TMTC2: variants seen among roughly 807,000 people sequenced by gnomAD.
TMTC2 encodes protein O-mannosyl-transferase TMTC2.
In TMTC2, 43 loss-of-function variants were observed where a neutral mutation model predicts 82.4. The observed-to-expected ratio is 0.52, with a 90% CI of 0.41 to 0.67. The LOEUF (loss-of-function observed/expected upper bound fraction) is 0.67. TMTC2 is among the 30% of genes least tolerant of loss of function. The pLI, the probability that TMTC2 is intolerant of heterozygous loss-of-function variation, is 0.00. For missense variants in TMTC2, 919 were observed against 1,012.4 expected (o/e 0.91, Z 1.25); for synonymous variants, 408 against 381.9 (o/e 1.07, Z -0.80).
intron 3 of TMTC2, among the ~76,000 whole-genome samples, chr12:82,898,165 T>TA (rs1331796437): frequency 6.6e-6 from 1 of 152,222 alleles, no homozygotes; most frequent in Non-Finnish European, 1.5e-5. Context: ...GCATAGCATG[T>TA]AATTTCTCAA....
intron 3 of TMTC2, among the ~76,000 whole-genome samples, chr12:82,921,899 A>G (rs531538731): frequency 2.6e-5 from 4 of 151,318 alleles, no homozygotes; most frequent in African/African-American, 7.3e-5. Context: ...GGAGTTTTTG[A>G]CCAGCCTGGG....
intron 2 of TMTC2, among the ~76,000 whole-genome samples, chr12:82,883,057 A>AT (rs1370658869): frequency 1.5e-5 from 1 of 66,110 alleles, no homozygotes; most frequent in Non-Finnish European, 3.0e-5. Context: ...CTTGGTCTCA[A>AT]AAAAAAAAAA....
intron 1 of TMTC2, among the ~76,000 whole-genome samples, chr12:82,785,113 C>A (rs1429606160): frequency 1.3e-5 from 2 of 151,982 alleles, no homozygotes; most frequent in Admixed American, 6.6e-5. Context: ...GAGATCCATG[C>A]CAATGGGAAA....
intron 1 of TMTC2, among the ~76,000 whole-genome samples, chr12:82,701,971 A>G (rs1293914944): frequency 1.3e-5 from 2 of 152,142 alleles, no homozygotes; most frequent in African/African-American, 4.8e-5. Context: ...AAGGTGATCT[A>G]CTACCGGAGG....
At chr12:82,768,421 G>A (rs966270766) in intron 1 of TMTC2, among the ~76,000 whole-genome samples, 1 of 152,218 alleles carries the variant, frequency 6.6e-6, no homozygotes, top group Non-Finnish European at 1.5e-5. Flanking sequence ...GGCTGTGTGT[G>A]TGTTGGGCCT....
rs867941968 is a variant in TMTC2, at chr12:82,789,546, G to A, written c.84-67464G>A. ...ATTTATTTGAAGTAAAATGCCACCC[G>A]ATTTAAATTATATAGAAATATAGAC... On this transcript the variant is annotated intron_variant, in intron 1 of 11. Coordinates refer to ENST00000321196, the MANE Select transcript of TMTC2 (RefSeq NM_152588.3). 1.4e-4 allele frequency among the ~76,000 whole-genome samples: 22 copies of A among 152,032 alleles called. 1 individual carries two copies. Among genetic ancestry groups the A allele is most frequent in the African/African-American group, 9.7e-5 (4 of 41,402 alleles).
chr12:83,009,460 G>A (rs190793056), intron 8 of TMTC2, among the ~76,000 whole-genome samples: 52 of 152,162 alleles, frequency 3.4e-4, no homozygotes, highest in African/African-American at 1.2e-3. Context: ...CGTCAGAAAA[G>A]CAGGTCTCCA....
intron 9 of TMTC2, among the ~76,000 whole-genome samples, chr12:83,047,717 C>A (rs1387391721): frequency 6.6e-6 from 1 of 152,048 alleles, no homozygotes; most frequent in African/African-American, 2.4e-5. Flanking sequence ...TCACCATTTA[C>A]CCTACTAAAA....
At chr12:82,954,849 G>A (rs565270191) in intron 4 of TMTC2, among the ~76,000 whole-genome samples, 20 of 152,258 alleles carry the variant, frequency 1.3e-4, no homozygotes, top group Admixed American at 6.5e-4. Context: ...TGTATTGTCA[G>A]AAGTAGGAAA....
intron 1 of TMTC2, among the ~76,000 whole-genome samples, chr12:82,792,078 T>C (rs1878496348): frequency 1.3e-5 from 2 of 152,088 alleles, no homozygotes; most frequent in South Asian, 4.1e-4. Flanking sequence ...AGCAGCAAGG[T>C]AGAGGGGAAA....
intron 1 of TMTC2, among the ~76,000 whole-genome samples, chr12:82,792,498 G>T (rs538260859): frequency 6.6e-6 from 1 of 151,716 alleles, no homozygotes; most frequent in Non-Finnish European, 1.5e-5. Context: ...ACAGAGTCTC[G>T]CTCTGTCGCC....
intron 2 of TMTC2, among the ~76,000 whole-genome samples, chr12:82,888,915 T>A (rs571308451): frequency 6.6e-6 from 1 of 152,302 alleles, no homozygotes; most frequent in African/African-American, 2.4e-5. Context: ...TATTAGAACA[T>A]GGAAAATATT....
At chr12:83,129,415 A>G (rs1885194597) in intron 11 of TMTC2, among the ~76,000 whole-genome samples, 1 of 152,174 alleles carries the variant, frequency 6.6e-6, no homozygotes, top group African/African-American at 2.4e-5. Flanking sequence ...CATTCATCAG[A>G]ACAGATTTAA....
intron 1 of TMTC2, among the ~76,000 whole-genome samples, chr12:82,844,676 C>G (rs1565775251): frequency 6.6e-6 from 1 of 151,958 alleles, no homozygotes; most frequent in African/African-American, 2.4e-5. Context: ...GTGGCGGGCG[C>G]CTGTAGTCCC....
intron 1 of TMTC2, among the ~76,000 whole-genome samples, chr12:82,752,905 T>G (rs139166435): frequency 6.0e-4 from 91 of 152,138 alleles, no homozygotes; most frequent in Admixed American, 1.0e-3. Context: ...CTTTAAAATA[T>G]CCAACATCAG....
intron 8 of TMTC2, among the ~76,000 whole-genome samples, chr12:83,022,719 A>G (rs1170043464): frequency 6.6e-6 from 1 of 151,900 alleles, no homozygotes; most frequent in Non-Finnish European, 1.5e-5. Flanking sequence ...CAGTCTCAAA[A>G]GATCCAGTGA....
At chr12:82,919,126 A>C (rs1875219940) in intron 3 of TMTC2, among the ~76,000 whole-genome samples, 1 of 152,220 alleles carries the variant, frequency 6.6e-6, no homozygotes, top group African/African-American at 2.4e-5. Context: ...GGGAAGTCCA[A>C]GAGTATTGTG....
chr12:82,842,965 T>G (rs1870420290), intron 1 of TMTC2, among the ~76,000 whole-genome samples: 1 of 152,062 alleles, frequency 6.6e-6, no homozygotes, highest in Non-Finnish European at 1.5e-5. Flanking sequence ...CTTCAACATA[T>G]GAATTTGGGG....
intron 9 of TMTC2, among the ~76,000 whole-genome samples, chr12:83,047,772 T>A (rs1410352665): frequency 6.6e-6 from 1 of 152,238 alleles, no homozygotes; most frequent in Non-Finnish European, 1.5e-5. Context: ...ACAAAGCACA[T>A]GTTGCATGGC....
Sources: gnomAD v4.1 joint callset for allele counts (sites outside exome capture counted in the v4.1 genomes callset) on GRCh38, gnomAD v4.1.1 for gene constraint, MANE v1.5 for transcripts, NCBI Gene and HGNC (gene_info 2026-07-23, HGNC 2026-07-21) for gene names.